MYO5A: variants seen among roughly 807,000 people sequenced by gnomAD.
The protein encoded by MYO5A is unconventional myosin-Va.
A neutral mutation model predicts 249.7 loss-of-function variants in MYO5A; 98 were observed. The observed-to-expected ratio is 0.39, with a 90% CI of 0.33 to 0.46. The LOEUF (loss-of-function observed/expected upper bound fraction) is 0.46, where lower values mean the gene tolerates loss of function less well. Ranked by LOEUF, MYO5A falls within the 20% of genes least tolerant of loss-of-function variation. MYO5A has a pLI of 0.98. For synonymous variants in MYO5A, 778 were observed against 810.6 expected (o/e 0.96, Z 0.68); for missense variants, 1,696 against 2,308.8 (o/e 0.73, Z 5.44).
intron 1 of MYO5A, among the ~76,000 whole-genome samples, chr15:52,454,047 C>T (rs2076070916): frequency 6.6e-6 from 1 of 151,882 alleles, no homozygotes. Context: ...ATAAAATTCT[C>T]CAATCAAAAA....
chr15:52,439,945 G>A (rs67283829), intron 1 of MYO5A, among the ~76,000 whole-genome samples: 22,457 of 152,114 alleles, frequency 0.15, 1,787 homozygotes, highest in Middle Eastern at 0.22. Flanking sequence ...AAATGAAGAC[G>A]GACTAAATTT....
chr15:52,527,840 T>C (rs2077754414), intron 1 of MYO5A, among the ~76,000 whole-genome samples: 1 of 152,218 alleles, frequency 6.6e-6, no homozygotes, highest in South Asian at 2.1e-4. Flanking sequence ...TTGCAAAAGC[T>C]AATGTGAAAA....
At chr15:52,423,260 A>G (rs1442592262) in intron 4 of MYO5A, among the ~76,000 whole-genome samples, 1 of 152,192 alleles carries the variant, frequency 6.6e-6, no homozygotes, top group Non-Finnish European at 1.5e-5. Context: ...CAAGAAAACA[A>G]TGGTAAGGCT....
intron 25 of MYO5A, among the ~76,000 whole-genome samples, chr15:52,358,983 T>G (rs1404176297): frequency 6.6e-6 from 1 of 152,176 alleles, no homozygotes; most frequent in African/African-American, 2.4e-5. Flanking sequence ...TATAATGGCT[T>G]AAGAACATGA....
chr15:52,380,987 T>C (rs2041712676), intron 16 of MYO5A, among the ~76,000 whole-genome samples: 1 of 152,242 alleles, frequency 6.6e-6, no homozygotes, highest in Non-Finnish European at 1.5e-5. Flanking sequence ...AAACATAGTG[T>C]CTACATCAAT....
chr15:52,489,434 C>G (rs1268225714), intron 1 of MYO5A, among the ~76,000 whole-genome samples: 2 of 151,810 alleles, frequency 1.3e-5, no homozygotes, highest in Non-Finnish European at 2.9e-5. Context: ...CGTGGTGGCA[C>G]GCACCTGTAG....
chr15:52,406,086 C>T (rs978184327), intron 8 of MYO5A, among the ~76,000 whole-genome samples: 1 of 152,136 alleles, frequency 6.6e-6, no homozygotes, highest in African/African-American at 2.4e-5. Flanking sequence ...AGCTGGACAG[C>T]TTTCAGCTTT....
At position 52,313,128 on chromosome 15, in the gene MYO5A, C is replaced by T. The variant is rs2037838317; in HGVS notation, c.*568G>A. On this transcript the variant is annotated 3_prime_UTR_variant, in exon 42 of 42. Transcript: ENST00000399233. ...CTATACTATTTAGCAAACCAACATT[C>T]CTTTAATATCTCTATATCATAGTGA... 6.4e-6 allele frequency: 1 copy of T among 156,528 alleles called. No homozygotes were observed. The highest frequency in any genetic ancestry group is 2.4e-5 in the African/African-American group (1 of 41,452). 9.7% of individuals were successfully genotyped at this position (156,528 alleles called of 1,614,324 possible). A position where few individuals can be genotyped will look rare whatever the true frequency, so the allele number is the denominator to read the frequency against.
In MYO5A at chr15:52,491,683, A is replaced by C. The variant is rs545845519; in HGVS notation, c.27+37097T>G. On this transcript the variant is annotated intron_variant, in intron 1 of 41. Coordinates refer to ENST00000399233, the MANE Select transcript of MYO5A (RefSeq NM_001382347.1). ...GTTTAATCCCCTTTTATCCAAGTAC[A>C]TCAATGTTCTTGGCAAACATTAATC... Among the ~76,000 whole-genome samples, 65 of 152,384 alleles carry C rather than the reference A, an allele frequency of 4.3e-4. 3 individuals carry two copies. The South Asian group carries it at 0.013, about 31-fold the overall frequency.
intron 40 of MYO5A, among the ~76,000 whole-genome samples, chr15:52,314,860 T>G (rs1257690999): frequency 1.3e-5 from 2 of 152,210 alleles, no homozygotes; most frequent in Admixed American, 1.3e-4. Context: ...TATTTCCATT[T>G]TCAAGGTATT....
chr15:52,438,682 G>A (rs1443177928), intron 1 of MYO5A, among the ~76,000 whole-genome samples: 4 of 152,240 alleles, frequency 2.6e-5, no homozygotes, highest in Non-Finnish European at 5.9e-5. Flanking sequence ...TATCGCCTAA[G>A]AGCACAGCGG....
chr15:52,320,287 C>T (rs4341694), intron 38 of MYO5A, among the ~76,000 whole-genome samples: 22,870 of 152,248 alleles, frequency 0.15, 1,812 homozygotes, highest in Middle Eastern at 0.22. Context: ...GCAAAGGCCA[C>T]GTCTGGTTCA....
intron 1 of MYO5A, among the ~76,000 whole-genome samples, chr15:52,433,690 G>T (rs549914124): frequency 1.3e-5 from 2 of 151,906 alleles, no homozygotes; most frequent in Non-Finnish European, 2.9e-5. Context: ...CCAAAGTGCT[G>T]GGATTACAGG....
intron 5 of MYO5A, among the ~76,000 whole-genome samples, chr15:52,410,902 C>T (rs377316570): frequency 2.0e-4 from 30 of 152,202 alleles, no homozygotes; most frequent in African/African-American, 7.0e-4. Context: ...AGAACAGAAC[C>T]ACTTTTGCCA....
rs970273031 is a variant in MYO5A, at chr15:52,330,230, T to C, written c.4555+123A>G. ...TCAGAACACTACTGCAGCACTAGAA[T>C]ACATGGTATCTGATGATGACTAATG... On this transcript the variant is annotated intron_variant, in intron 35 of 41. Transcript: ENST00000399233. The C allele has an allele frequency of 4.1e-5, 53 of 1,303,568 alleles. No homozygotes were observed. In the Admixed American group the frequency reaches 8.6e-4, roughly 21 times the overall value. 80.8% of individuals were successfully genotyped at this position (1,303,568 alleles called of 1,614,324 possible). A position where few individuals can be genotyped will look rare whatever the true frequency, so the allele number is the denominator to read the frequency against.
chr15:52,486,343 T>A, intron 1 of MYO5A, among the ~76,000 whole-genome samples: 1 of 152,152 alleles, frequency 6.6e-6, no homozygotes, highest in African/African-American at 2.4e-5. Context: ...GTTGAGTGAG[T>A]CAAAGTAGCT....
intron 5 of MYO5A, 91 bp from the exon 6 acceptor site, chr15:52,410,567 G>T: frequency 1.1e-5 from 13 of 1,152,648 alleles, no homozygotes; most frequent in Non-Finnish European, 1.3e-5. Context: ...AGATGGAGTA[G>T]AACACAGGTC....
At chr15:52,392,488 A>G (rs1185854218) in intron 11 of MYO5A, among the ~76,000 whole-genome samples, 2 of 152,246 alleles carry the variant, frequency 1.3e-5, no homozygotes, top group Non-Finnish European at 1.5e-5. Flanking sequence ...TGCTTTCAGC[A>G]TAACAAAGTA....
rs543827587 is a variant in MYO5A, at chr15:52,505,804, A to G, written c.27+22976T>C. 1.5e-4 allele frequency: 246 copies of G among 1,592,876 alleles called. 5 individuals are homozygous for G. In the South Asian group the frequency reaches 2.6e-3, roughly 17 times the overall value. ...TGGAACAGATATGCTGGAGGAGCAG[A>G]TCACTGCGTTTGAGGACTATGTGCA... is the stretch of plus-strand genomic sequence containing the variant. On this transcript the variant is annotated intron_variant, in intron 1 of 41. Transcript: ENST00000399233.
Sources: gnomAD v4.1 joint callset for allele counts (sites outside exome capture counted in the v4.1 genomes callset) on GRCh38, gnomAD v4.1.1 for gene constraint, MANE v1.5 for transcripts, NCBI Gene and HGNC (gene_info 2026-07-23, HGNC 2026-07-21) for gene names.